Variants in NARS2 observed in about 807,000 individuals in gnomAD.
NARS2 encodes the protein asparaginyl-tRNA synthetase 2, mitochondrial.
A neutral mutation model predicts 62.9 loss-of-function variants in NARS2; 60 were observed. That is an observed-to-expected ratio of 0.95 (90% CI 0.77 to 1.18). The LOEUF is 1.18. Among genes scored for constraint, NARS2 ranks in the 50% most tolerant of loss-of-function variants. The pLI, the probability that NARS2 is intolerant of heterozygous loss-of-function variation, is 0.00. For synonymous variants in NARS2, 196 were observed against 200.0 expected (o/e 0.98, Z 0.17); for missense variants, 619 against 576.4 (o/e 1.07, Z -0.76).
At chr11:78,521,642 T>A (rs1861127201) in intron 6 of NARS2, among the ~76,000 whole-genome samples, 1 of 151,980 alleles carries the variant, frequency 6.6e-6, no homozygotes, top group Non-Finnish European at 1.5e-5. Flanking sequence ...TACAAAAAAT[T>A]AGCCGGGCGT....
chr11:78,562,031 T>TCAAAAAACAAAAAACAAAAAA (rs60769770), intron 4 of NARS2, among the ~76,000 whole-genome samples: 7 of 151,094 alleles, frequency 4.6e-5, no homozygotes, highest in African/African-American at 1.7e-4. Context: ...CGAGACTCTG[T>TCAAAAAACAAAAAACAAAAAA]CAAAAAACAA....
At chr11:78,442,721 T>C (rs1447646703) in intron 12 of NARS2, among the ~76,000 whole-genome samples, 1 of 152,042 alleles carries the variant, frequency 6.6e-6, no homozygotes, top group Non-Finnish European at 1.5e-5. Context: ...TATAAATGTA[T>C]ATGTAGGAGT....
At chr11:78,535,894 G>C (rs895460210) in intron 5 of NARS2, among the ~76,000 whole-genome samples, 1 of 152,018 alleles carries the variant, frequency 6.6e-6, no homozygotes, top group Non-Finnish European at 1.5e-5. Context: ...TGGGATTACA[G>C]GTGTGAGCCA....
chr11:78,475,711 C>G (rs1428549858), intron 9 of NARS2, among the ~76,000 whole-genome samples: 1 of 150,304 alleles, frequency 6.7e-6, no homozygotes, highest in African/African-American at 2.4e-5. Flanking sequence ...ATCCTCCCAC[C>G]TTAGTCTCCT....
chr11:78,555,951 C>G (rs1856336102), intron 5 of NARS2, among the ~76,000 whole-genome samples: 1 of 152,000 alleles, frequency 6.6e-6, no homozygotes, highest in Non-Finnish European at 1.5e-5. Context: ...AAAGGTTATT[C>G]AGGAGCATGT....
At chr11:78,459,249 GTTTT>G (rs376715938) in intron 11 of NARS2, among the ~76,000 whole-genome samples, 4 of 143,214 alleles carry the variant, frequency 2.8e-5, no homozygotes, top group African/African-American at 1.0e-4. Context: ...TTTTGTCGTT[GTTTT>G]TTTTTTGTTT....
chr11:78,480,055 C>T (rs951113806), intron 7 of NARS2, among the ~76,000 whole-genome samples: 2 of 152,054 alleles, frequency 1.3e-5, no homozygotes, highest in Non-Finnish European at 2.9e-5. Flanking sequence ...TGCATCACCA[C>T]ACCCAGCTAA....
chr11:78,461,958 AAAAAG>A (rs537084154), intron 11 of NARS2, among the ~76,000 whole-genome samples: 48 of 152,342 alleles, frequency 3.2e-4, no homozygotes, highest in Non-Finnish European at 5.1e-4. Flanking sequence ...GTCTTTTAAA[AAAAAG>A]AAAAGAAAGA....
intron 13 of NARS2, 106 bp from the exon 14 acceptor site, chr11:78,436,920 T>C (rs1857428326): frequency 1.8e-6 from 2 of 1,124,598 alleles, no homozygotes; most frequent in Non-Finnish European, 2.6e-6. Context: ...TGTTATTGTT[T>C]ACCTCACTGT....
At chr11:78,550,792 A>T (rs1465741215) in intron 5 of NARS2, among the ~76,000 whole-genome samples, 1 of 152,236 alleles carries the variant, frequency 6.6e-6, no homozygotes, top group African/African-American at 2.4e-5. Flanking sequence ...AAATGTTCAT[A>T]GCAGCATTTT....
chr11:78,510,525 C>T (rs1048414454), intron 6 of NARS2, among the ~76,000 whole-genome samples: 1 of 152,050 alleles, frequency 6.6e-6, no homozygotes, highest in Non-Finnish European at 1.5e-5. Flanking sequence ...CTATTGGAAA[C>T]CTCTCAATAA....
intron 4 of NARS2, among the ~76,000 whole-genome samples, chr11:78,562,391 C>T (rs1856587263): frequency 6.6e-6 from 1 of 152,220 alleles, no homozygotes; most frequent in African/African-American, 2.4e-5. Flanking sequence ...GACTGCACCA[C>T]TGCACTCCAG....
chr11:78,471,074 AG>A (rs1858851858), intron 9 of NARS2, among the ~76,000 whole-genome samples: 1 of 152,158 alleles, frequency 6.6e-6, no homozygotes, highest in Non-Finnish European at 1.5e-5. Flanking sequence ...TTTGAAAGAC[AG>A]GTTTTTTCCT....
intron 10 of NARS2, among the ~76,000 whole-genome samples, chr11:78,467,943 C>T (rs1858691859): frequency 6.6e-6 from 1 of 151,200 alleles, no homozygotes; most frequent in East Asian, 1.9e-4. Flanking sequence ...AACTCCTGGG[C>T]TCAAGCAATC....
At chr11:78,468,366 T>C (rs1002938617) in intron 10 of NARS2, among the ~76,000 whole-genome samples, 10 of 147,884 alleles carry the variant, frequency 6.8e-5, no homozygotes, top group African/African-American at 2.0e-4. Context: ...TGTTTAGTTA[T>C]GTTGCCTAAA....
intron 11 of NARS2, among the ~76,000 whole-genome samples, chr11:78,449,866 G>C (rs981217099): frequency 6.6e-6 from 1 of 152,194 alleles, no homozygotes; most frequent in African/African-American, 2.4e-5. Context: ...CCCTGGTTGA[G>C]AACCACTAGT....
intron 7 of NARS2, among the ~76,000 whole-genome samples, chr11:78,492,579 A>G (rs911800395): frequency 1.3e-5 from 2 of 152,154 alleles, no homozygotes; most frequent in Non-Finnish European, 2.9e-5. Flanking sequence ...CTGAGCTGAT[A>G]GCTCCTGTGG....
chr11:78,521,715 G>A (rs1248184776), intron 6 of NARS2, among the ~76,000 whole-genome samples: 2 of 149,372 alleles, frequency 1.3e-5, no homozygotes, highest in Middle Eastern at 3.4e-3. Context: ...GCGTGAACCC[G>A]GGAGGCGGAG....
At chr11:78,515,293 G>GGTT (rs1406196686) in intron 6 of NARS2, among the ~76,000 whole-genome samples, 1 of 152,128 alleles carries the variant, frequency 6.6e-6, no homozygotes, top group Non-Finnish European at 1.5e-5. Context: ...CTAAAGCATT[G>GGTT]GTTCTCAGCA....
Sources: gnomAD v4.1 joint callset for allele counts (sites outside exome capture counted in the v4.1 genomes callset) on GRCh38, gnomAD v4.1.1 for gene constraint, MANE v1.5 for transcripts, NCBI Gene and HGNC (gene_info 2026-07-23, HGNC 2026-07-21) for gene names.